The following HIP1 variants were observed in gnomAD, a reference collection of about 807,000 sequenced individuals.
HIP1 encodes huntingtin-interacting protein 1.
Under a neutral mutation model 147.6 loss-of-function variants are expected in HIP1, and 65 were observed. That is an observed-to-expected ratio of 0.44 (90% CI 0.36 to 0.54). HIP1 has a LOEUF of 0.54. HIP1 is among the 20% of genes least tolerant of loss of function. The pLI, the probability that HIP1 is intolerant of heterozygous loss-of-function variation, is 0.00. For synonymous variants in HIP1, 479 were observed against 504.0 expected (o/e 0.95, Z 0.67); for missense variants, 1,061 against 1,299.6 (o/e 0.82, Z 2.82).
intron 12 of HIP1, among the ~76,000 whole-genome samples, chr7:75,561,836 G>T (rs1554494601): frequency 6.6e-6 from 1 of 152,036 alleles, no homozygotes; most frequent in Non-Finnish European, 1.5e-5. Context: ...AATAAAGATG[G>T]GATCTTGCTA....
At chr7:75,722,822 T>C (rs1471754980) in intron 1 of HIP1, among the ~76,000 whole-genome samples, 2 of 152,174 alleles carry the variant, frequency 1.3e-5, no homozygotes, top group Non-Finnish European at 2.9e-5. Context: ...AAGAACTCCA[T>C]GGCTCAGCAG....
In HIP1 at chr7:75,536,763, TG is replaced by T. The variant is rs1794098510; in HGVS notation, c.*1408del. On this transcript the variant is annotated 3_prime_UTR_variant, in exon 31 of 31. Transcript: ENST00000336926. ...CCAAGTCAGTAACAGTCCAGCACCT[TG>T]GCCTTTCTTCTGATTCTTGAAGGCT... 4.4e-6 allele frequency: 1 copy of T among 229,200 alleles called. No individual in the cohort carries two copies. The highest frequency in any genetic ancestry group is 8.6e-6 in the Non-Finnish European group (1 of 115,616). The allele number at this position is 229,200 out of a possible 1,614,324, so 14.2% of individuals were successfully genotyped here. A position where few individuals can be genotyped will look rare whatever the true frequency, so the allele number is the denominator to read the frequency against.
At chr7:75,545,503 G>A (rs969921200) in intron 25 of HIP1, among the ~76,000 whole-genome samples, 1 of 152,082 alleles carries the variant, frequency 6.6e-6, no homozygotes, top group African/African-American at 2.4e-5. Context: ...TTAGCTAGGT[G>A]TGGTGGTGGG....
chr7:75,673,686 T>C (rs1387096019), intron 1 of HIP1, among the ~76,000 whole-genome samples: 4 of 151,980 alleles, frequency 2.6e-5, no homozygotes, highest in Non-Finnish European at 4.4e-5. Context: ...CAACTAAATT[T>C]TTAAATATTA....
chr7:75,711,818 T>G (rs1171738587), intron 1 of HIP1, among the ~76,000 whole-genome samples: 1 of 152,120 alleles, frequency 6.6e-6, no homozygotes, highest in Non-Finnish European at 1.5e-5. Context: ...CCTTATCACC[T>G]GCTGCTTGTC....
At chr7:75,570,555 T>A (rs1413029113) in intron 8 of HIP1, among the ~76,000 whole-genome samples, 1 of 151,742 alleles carries the variant, frequency 6.6e-6, no homozygotes, top group Non-Finnish European at 1.5e-5. Context: ...CCTCCCAAAG[T>A]GCTGGGATTA....
chr7:75,642,044 C>T (rs1798668453), intron 1 of HIP1, among the ~76,000 whole-genome samples: 1 of 152,132 alleles, frequency 6.6e-6, no homozygotes, highest in Admixed American at 6.6e-5. Context: ...CTGTCCAATT[C>T]ATCCTATACA....
intron 1 of HIP1, among the ~76,000 whole-genome samples, chr7:75,605,029 G>A (rs1797169037): frequency 6.6e-6 from 1 of 152,146 alleles, no homozygotes; most frequent in Non-Finnish European, 1.5e-5. Context: ...TTTAAACTGA[G>A]ACACTGCTCA....
intron 1 of HIP1, among the ~76,000 whole-genome samples, chr7:75,650,971 A>C (rs1200770135): frequency 6.6e-6 from 1 of 152,124 alleles, no homozygotes; most frequent in African/African-American, 2.4e-5. Context: ...AAAGGAAAAC[A>C]CAGCCCTCTC....
chr7:75,553,082 C>T (rs1020229755), intron 22 of HIP1, among the ~76,000 whole-genome samples: 2 of 152,020 alleles, frequency 1.3e-5, no homozygotes, highest in Non-Finnish European at 2.9e-5. Flanking sequence ...GGATTATAGG[C>T]ATGCACCACT....
intron 1 of HIP1, among the ~76,000 whole-genome samples, chr7:75,734,102 C>T (rs577409698): frequency 4.6e-5 from 7 of 151,924 alleles, no homozygotes; most frequent in South Asian, 4.2e-4. Context: ...AAAAATTAGC[C>T]GGGCGTGGTG....
intron 1 of HIP1, among the ~76,000 whole-genome samples, chr7:75,632,636 G>A (rs1157673172): frequency 8.0e-5 from 12 of 149,962 alleles, no homozygotes; most frequent in Admixed American, 7.4e-4. Context: ...AGGCTCAAGC[G>A]ATCCTCCTGC....
At chr7:75,542,166 G>C (rs587764724) in intron 28 of HIP1, among the ~76,000 whole-genome samples, 186 bp from the exon 29 acceptor site, 1 of 152,248 alleles carries the variant, frequency 6.6e-6, no homozygotes, top group East Asian at 1.9e-4. Flanking sequence ...GGGAGGCTGA[G>C]GTGGGTGGAT....
intron 2 of HIP1, among the ~76,000 whole-genome samples, chr7:75,596,974 G>A (rs781867892): frequency 4.6e-5 from 7 of 152,168 alleles, no homozygotes; most frequent in South Asian, 2.1e-4. Context: ...CAAATTATTC[G>A]TAGGTAAGGG....
chr7:75,574,762 C>G (rs1483985332), intron 7 of HIP1, among the ~76,000 whole-genome samples: 5 of 152,126 alleles, frequency 3.3e-5, no homozygotes, highest in Non-Finnish European at 5.9e-5. Flanking sequence ...TGTGCAGAGA[C>G]CCCTGATAGC....
At chr7:75,685,474 CTT>C (rs1486770118) in intron 1 of HIP1, among the ~76,000 whole-genome samples, 1 of 152,254 alleles carries the variant, frequency 6.6e-6, no homozygotes, top group Non-Finnish European at 1.5e-5. Flanking sequence ...TCTTTGCCCA[CTT>C]TTCCACTGGG....
intron 27 of HIP1, among the ~76,000 whole-genome samples, chr7:75,543,336 A>T (rs1333828447): frequency 2.0e-5 from 3 of 152,070 alleles, no homozygotes; most frequent in Non-Finnish European, 4.4e-5. Context: ...AGTTGGGGGC[A>T]TTGATGATAT....
chr7:75,673,439 G>T (rs1464623983), intron 1 of HIP1, among the ~76,000 whole-genome samples: 1 of 152,076 alleles, frequency 6.6e-6, no homozygotes, highest in African/African-American at 2.4e-5. Context: ...GATAGGGATT[G>T]CATTGAATCT....
chr7:75,668,102 CT>C (rs1459717392), intron 1 of HIP1, among the ~76,000 whole-genome samples: 4 of 101,366 alleles, frequency 3.9e-5, no homozygotes, highest in Admixed American at 2.1e-4. Flanking sequence ...AGGCCATGAC[CT>C]TTGCTAACTC....
Sources: allele counts gnomAD v4.1 joint callset (sites outside exome capture counted in the v4.1 genomes callset), GRCh38; gene constraint gnomAD v4.1.1; transcripts MANE v1.5; gene names NCBI Gene and HGNC (gene_info 2026-07-23, HGNC 2026-07-21).